LRMDA: variants seen among roughly 807,000 people sequenced by gnomAD.
LRMDA encodes the protein leucine-rich melanocyte differentiation-associated protein.
In LRMDA, 18 loss-of-function variants were observed where a neutral mutation model predicts 29.8. The observed-to-expected ratio is 0.60, with a 90% CI of 0.42 to 0.90. LRMDA has a LOEUF of 0.90. LRMDA is among the 40% of genes least tolerant of loss of function. The pLI, the probability that LRMDA is intolerant of heterozygous loss-of-function variation, is 0.00. For missense variants in LRMDA, 273 were observed against 273.9 expected (o/e 1.00, Z 0.02); for synonymous variants, 125 against 109.4 (o/e 1.14, Z -0.89).
chr10:75,431,780 GC>G (rs2132016716), intron 1 of LRMDA, 26 bp downstream of exon 1: 1 of 1,347,140 alleles, frequency 7.4e-7, no homozygotes. Context: ...CCCCGCCTCC[GC>G]CCGGGGCGCA....
chr10:75,728,380 C>T (rs1842654743), intron 2 of LRMDA, among the ~76,000 whole-genome samples: 1 of 150,714 alleles, frequency 6.6e-6, no homozygotes, highest in African/African-American at 2.4e-5. Context: ...ATGATGTTGC[C>T]CTTGAACATT....
intron 2 of LRMDA, among the ~76,000 whole-genome samples, chr10:76,032,487 C>T (rs1156836475): frequency 6.6e-6 from 1 of 152,236 alleles, no homozygotes; most frequent in Non-Finnish European, 1.5e-5. Context: ...AAGTTCTCTC[C>T]GTTTGAATCC....
At chr10:75,970,340 A>G (rs186469667) in intron 2 of LRMDA, among the ~76,000 whole-genome samples, 16 of 152,336 alleles carry the variant, frequency 1.1e-4, no homozygotes, top group Admixed American at 3.9e-4. Flanking sequence ...AGACCTTTCC[A>G]TGGTGCCACC....
At chr10:75,560,184 T>C (rs1370417623) in intron 2 of LRMDA, among the ~76,000 whole-genome samples, 2 of 152,034 alleles carry the variant, frequency 1.3e-5, no homozygotes, top group African/African-American at 4.8e-5. Flanking sequence ...GTTCTTCCAT[T>C]TGTTTGTATC....
At chr10:76,299,498 A>C (rs1840453140) in intron 5 of LRMDA, among the ~76,000 whole-genome samples, 1 of 152,050 alleles carries the variant, frequency 6.6e-6, no homozygotes, top group African/African-American at 2.4e-5. Flanking sequence ...CTTTGGGAAG[A>C]GGTCAGATGT....
intron 5 of LRMDA, among the ~76,000 whole-genome samples, chr10:76,166,175 TTTTC>T (rs765936178): frequency 3.9e-5 from 6 of 152,150 alleles, no homozygotes; most frequent in Non-Finnish European, 7.4e-5. Context: ...TTATGGGTCA[TTTTC>T]TATGTACCAG....
chr10:75,490,429 G>A (rs1468376377), intron 2 of LRMDA, among the ~76,000 whole-genome samples: 1 of 151,930 alleles, frequency 6.6e-6, no homozygotes, highest in African/African-American at 2.4e-5. Context: ...GTGAATTCTA[G>A]AATGTCAGCT....
At chr10:76,532,520 C>CTT (rs1415504948) in intron 6 of LRMDA, among the ~76,000 whole-genome samples, 1 of 152,126 alleles carries the variant, frequency 6.6e-6, no homozygotes, top group Non-Finnish European at 1.5e-5. Context: ...AAGTAAATTT[C>CTT]TTTTAAGAGG....
intron 6 of LRMDA, among the ~76,000 whole-genome samples, chr10:76,383,909 C>T (rs1279294198): frequency 6.6e-6 from 1 of 152,184 alleles, no homozygotes; most frequent in Non-Finnish European, 1.5e-5. Context: ...AGTCACTTTC[C>T]ATCATTTGTC....
intron 2 of LRMDA, among the ~76,000 whole-genome samples, chr10:75,825,332 G>A (rs961243812): frequency 6.6e-5 from 10 of 152,166 alleles, no homozygotes; most frequent in Admixed American, 1.3e-4. Context: ...ACAGGGCAAA[G>A]CATATTACAG....
intron 2 of LRMDA, among the ~76,000 whole-genome samples, chr10:75,778,479 T>C (rs1279118029): frequency 2.0e-5 from 3 of 152,198 alleles, no homozygotes; most frequent in Non-Finnish European, 2.9e-5. Context: ...TGAACATCCA[T>C]GTTATTGGAG....
chr10:75,547,203 G>T (rs183502356), intron 2 of LRMDA, among the ~76,000 whole-genome samples: 1 of 152,278 alleles, frequency 6.6e-6, no homozygotes, highest in East Asian at 1.9e-4. Flanking sequence ...ATTCATCAGT[G>T]CACCCAACTT....
chr10:75,659,151 T>G (rs910573629), intron 2 of LRMDA, among the ~76,000 whole-genome samples: 3 of 152,232 alleles, frequency 2.0e-5, no homozygotes, highest in African/African-American at 7.2e-5. Flanking sequence ...CTGCCCCTGC[T>G]CAAGGGCAAG....
chr10:75,625,478 G>C (rs1357635770), intron 2 of LRMDA, among the ~76,000 whole-genome samples: 2 of 152,186 alleles, frequency 1.3e-5, no homozygotes, highest in Non-Finnish European at 2.9e-5. Flanking sequence ...AGGCTGATTA[G>C]AGTAGATCAG....
chr10:75,650,064 T>G (rs1433110801), intron 2 of LRMDA, among the ~76,000 whole-genome samples: 1 of 152,238 alleles, frequency 6.6e-6, no homozygotes, highest in African/African-American at 2.4e-5. Flanking sequence ...TCTCATTCCA[T>G]AGGTTGCCTT....
intron 2 of LRMDA, among the ~76,000 whole-genome samples, chr10:75,773,499 G>A (rs966406718): frequency 2.6e-5 from 4 of 152,264 alleles, no homozygotes; most frequent in East Asian, 3.9e-4. Flanking sequence ...CCAGAACTCC[G>A]AGCCCCTGGG....
intron 3 of LRMDA, 103 bp downstream of exon 3, chr10:76,036,237 C>T (rs4745806): frequency 0.5 from 599,033 of 1,209,692 alleles, 149,052 homozygotes; most frequent in African/African-American, 0.56. Flanking sequence ...ATGAGTTTTA[C>T]GTGTCAGCTA....
intron 4 of LRMDA, among the ~76,000 whole-genome samples, chr10:76,049,532 TTA>T (rs1848495815): frequency 6.6e-6 from 1 of 152,214 alleles, no homozygotes; most frequent in South Asian, 2.1e-4. Flanking sequence ...TTTAATCTCT[TTA>T]TTTTTTACTG....
intron 2 of LRMDA, among the ~76,000 whole-genome samples, chr10:75,776,079 C>A (rs1040178825): frequency 6.6e-6 from 1 of 152,170 alleles, no homozygotes; most frequent in Non-Finnish European, 1.5e-5. Context: ...AACCTTACCC[C>A]AAACTCAAGG....
Sources: allele counts gnomAD v4.1 joint callset (sites outside exome capture counted in the v4.1 genomes callset), GRCh38; gene constraint gnomAD v4.1.1; transcripts MANE v1.5; gene names NCBI Gene and HGNC (gene_info 2026-07-23, HGNC 2026-07-21).